The following HSPA9 variants were observed in gnomAD, a reference collection of about 807,000 sequenced individuals.
HSPA9 encodes the protein heat shock protein family A (Hsp70) member 9, also known as stress-70 protein, mitochondrial.
Under a neutral mutation model 81.5 loss-of-function variants are expected in HSPA9, and 28 were observed. The observed-to-expected ratio is 0.34, with a 90% CI of 0.25 to 0.47. The LOEUF is 0.47. HSPA9 is among the 20% of genes least tolerant of loss of function. The probability of loss-of-function intolerance (pLI) is 1.00; values close to 1 mark genes in which losing one functional copy is unlikely to be tolerated. For missense variants in HSPA9, 678 were observed against 838.0 expected (o/e 0.81, Z 2.36); for synonymous variants, 293 against 290.4 (o/e 1.01, Z -0.09).
At chr5:138,564,471 C>G (rs1480251843) in intron 9 of HSPA9, among the ~76,000 whole-genome samples, 2 of 152,204 alleles carry the variant, frequency 1.3e-5, no homozygotes, top group African/African-American at 4.8e-5. Context: ...ATTCACAGCT[C>G]ACTGCAGCCT....
At chr5:138,559,678 T>C (rs1750610619) in intron 11 of HSPA9, 186 bp downstream of exon 11, 2 of 597,794 alleles carry the variant, frequency 3.3e-6, no homozygotes, top group Non-Finnish European at 3.0e-6. Flanking sequence ...TAAGAACTTT[T>C]CTGGTAACAA....
At chr5:138,571,812 T>TTGTGTGTGTGTGTGTG (rs10694028) in intron 3 of HSPA9, among the ~76,000 whole-genome samples, 6 of 146,278 alleles carry the variant, frequency 4.1e-5, no homozygotes, top group East Asian at 4.1e-4. Flanking sequence ...CCAACTAATT[T>TTGTGTGTGTGTGTGTG]TGTGTGTGTG....
intron 2 of HSPA9, 81 bp downstream of exon 2, chr5:138,573,986 AG>A: frequency 1.2e-5 from 6 of 499,392 alleles, no homozygotes; most frequent in African/African-American, 4.2e-5. Context: ...ATAATTACAG[AG>A]AAGAATAATC....
intron 7 of HSPA9, 53 bp from the exon 8 acceptor site, chr5:138,567,216 T>A: frequency 6.9e-7 from 1 of 1,440,234 alleles, no homozygotes; most frequent in Non-Finnish European, 9.6e-7. Flanking sequence ...GAACAAAACC[T>A]ATCACCAGGA....
chr5:138,573,465 A>G (rs1181574777), intron 3 of HSPA9, among the ~76,000 whole-genome samples: 9 of 152,114 alleles, frequency 5.9e-5, no homozygotes. Flanking sequence ...CAGCCTGGCC[A>G]ACACAGTGGA....
chr5:138,562,555 A>C (rs1175776143), intron 9 of HSPA9, among the ~76,000 whole-genome samples: 1 of 152,094 alleles, frequency 6.6e-6, no homozygotes, highest in East Asian at 1.9e-4. Context: ...CCGTCTCAAA[A>C]AAACAAAAAA....
chr5:138,560,209 G>A, intron 10 of HSPA9, 118 bp from the exon 11 acceptor site: 2 of 747,900 alleles, frequency 2.7e-6, no homozygotes, highest in East Asian at 2.7e-5. Context: ...ACTCAAATCT[G>A]AGAATGTTTA....
chr5:138,562,021 C>T (rs1029132624), intron 9 of HSPA9, among the ~76,000 whole-genome samples: 27 of 151,742 alleles, frequency 1.8e-4, no homozygotes, highest in Non-Finnish European at 3.1e-4. Flanking sequence ...TCACTGCAAC[C>T]TCCGCCTCCC....
chr5:138,556,496 G>C lies in HSPA9; in HGVS notation c.1918C>G (p.Leu640Val). The part of the protein sequence containing the change: ...GENIRQAASS[L>V]QQASLKLFEM... ...AACAGCTTCAGTGATGCCTGCTGAA[G>C]AGAGGATGCTGCCTGTCTAATATTT... Residue 640 changes from leucine to valine, a missense_variant, in exon 16 of 17, where the codon CTT (leucine) becomes GTT (valine). Around this residue, in one of 4 missense-constraint regions of HSPA9, gnomAD observed 100 missense variants for 99.5 expected, o/e 1.00. Coordinates refer to ENST00000297185, the MANE Select transcript of HSPA9 (RefSeq NM_004134.7). 1 of 1,614,060 alleles carries C rather than the reference G, an allele frequency of 6.2e-7. No individual in the cohort carries two copies. Among genetic ancestry groups the C allele is most frequent in the Non-Finnish European group, 8.5e-7 (1 of 1,180,002 alleles).
At chr5:138,559,701 C>A in intron 11 of HSPA9, 163 bp downstream of exon 11, 1 of 646,054 alleles carries the variant, frequency 1.5e-6, no homozygotes, top group Admixed American at 2.7e-5. Context: ...AAACAAAAAA[C>A]AAAACACAGG....
intron 3 of HSPA9, among the ~76,000 whole-genome samples, chr5:138,573,371 T>TA (rs912822472): frequency 1.3e-5 from 2 of 152,080 alleles, no homozygotes; most frequent in Admixed American, 6.6e-5. Flanking sequence ...TAGTTGGAAG[T>TA]ACTTCGAGGC....
At chr5:138,556,378 G>A in intron 16 of HSPA9, 74 bp downstream of exon 16, 1 of 1,525,830 alleles carries the variant, frequency 6.6e-7, no homozygotes, top group African/African-American at 1.4e-5. Context: ...TATGGAGGGA[G>A]CCACCAGTGA....
chr5:138,568,857 G>C (rs990417870), intron 5 of HSPA9, 68 bp downstream of exon 5: 9 of 1,540,148 alleles, frequency 5.8e-6, no homozygotes, highest in Non-Finnish European at 8.1e-6. Context: ...CTGGAGCACA[G>C]GGAGCTAGTG....
intron 9 of HSPA9, among the ~76,000 whole-genome samples, chr5:138,563,636 C>T (rs1427443154): frequency 6.6e-6 from 1 of 151,990 alleles, no homozygotes; most frequent in Non-Finnish European, 1.5e-5. Context: ...CTATCCTCAA[C>T]TCCTCTGGGG....
rs34916633 is a variant in HSPA9 at position 138,571,127 on chromosome 5, G to A, written c.243C>T (p.Ala81=). ...EGKQAKVLEN[A]EGARTTPSVV... is the part of the protein sequence containing the mutation. ...CTGAAGGGGTGGTTCTGGCACCTTC[G>A]GCATTCTCCAGCACCTAAACTCCCA... The change falls in exon 4 of 17, where the codon GCC becomes GCT. Residue 81 remains alanine, a synonymous_variant. Transcript: ENST00000297185. The A allele has an allele frequency of 0.016, 25,832 of 1,613,584 alleles. 251 individuals are homozygous for A. Among genetic ancestry groups the A allele is most frequent in the Non-Finnish European group, 0.019 (22,431 of 1,179,886 alleles).
chr5:138,566,517 A>T, intron 9 of HSPA9, 109 bp downstream of exon 9: 1 of 848,350 alleles, frequency 1.2e-6, no homozygotes, highest in African/African-American at 1.7e-5. Context: ...AAAAACAAAC[A>T]AACAAAAAAA....
chr5:138,563,608 C>T (rs1002218406), intron 9 of HSPA9, among the ~76,000 whole-genome samples: 7 of 152,292 alleles, frequency 4.6e-5, no homozygotes, highest in Admixed American at 6.5e-5. Context: ...TTTCACAAAT[C>T]GACACATGAC....
At position 138,575,264 on chromosome 5, in the gene HSPA9, G is replaced by C. The variant is rs778583393; in HGVS notation, c.55C>G (p.Arg19Gly). Residue 19 changes from arginine to glycine, a missense_variant, in exon 1 of 17, where the codon CGG becomes GGG. Arg to Gly is a moderately radical substitution (Grantham distance 125). Transcript: ENST00000297185. ...TGGTGGCGGGCGGCCGTAGGGCCCCGGGAGGCTGCGGCGCCCACGAGACGG... is the reference window on the plus strand; with the variant it reads ...TGGTGGCGGGCGGCCGTAGGGCCCCCGGAGGCTGCGGCGCCCACGAGACGG... ...AARLVGAAASRGPTAARHQDS... is the reference protein window; with the variant it reads ...AARLVGAAASGGPTAARHQDS... 6.2e-7 allele frequency: 1 copy of C among 1,610,374 alleles called. No homozygotes were observed. The highest frequency in any genetic ancestry group is 8.5e-7 in the Non-Finnish European group (1 of 1,179,060).
chr5:138,566,985 C>A lies in HSPA9; in HGVS notation c.879+16G>T, dbSNP rs1462237389. 1.9e-6 allele frequency: 3 copies of A among 1,582,580 alleles called. No homozygotes were observed. The East Asian group carries it at 6.7e-5, about 35-fold the overall frequency. ...AATATCCCAACGTCTACATATTAAC[C>A]ACATTGGTAACTCACCTCTCTCTTG... On this transcript the variant is annotated intron_variant, in intron 8 of 16. Coordinates refer to ENST00000297185, the MANE Select transcript of HSPA9 (RefSeq NM_004134.7).
Sources: gnomAD v4.1 joint callset for allele counts (sites outside exome capture counted in the v4.1 genomes callset) on GRCh38, gnomAD v4.1.1 for gene constraint, gnomAD v4.1.1 regional missense constraint, MANE v1.5 for transcripts, NCBI Gene and HGNC (gene_info 2026-07-23, HGNC 2026-07-21) for gene names.